The following SLC26A5 variants were observed in gnomAD, a reference collection of about 807,000 sequenced individuals.
SLC26A5 encodes prestin.
Under a neutral mutation model 81.0 loss-of-function variants are expected in SLC26A5, and 51 were observed. The ratio of observed to expected loss-of-function variants is 0.63; its 90% CI spans 0.50 to 0.80. SLC26A5 has a LOEUF of 0.80. SLC26A5 is among the 30% of genes least tolerant of loss of function. The pLI is 0.00. For synonymous variants in SLC26A5, 325 were observed against 332.8 expected, an observed-to-expected ratio of 0.98 and a Z score of 0.25; for missense variants, 771 against 905.8, an observed-to-expected ratio of 0.85 and a Z score of 1.91.
At chr7:103,442,452 T>C (rs991753442) in intron 2 of SLC26A5, among the ~76,000 whole-genome samples, 2 of 152,180 alleles carry the variant, frequency 1.3e-5, no homozygotes, top group Non-Finnish European at 2.9e-5. Flanking sequence ...CTTTCACTAT[T>C]GAAAACGATT....
Position 103,366,030 on chromosome 7 carries a change from A to G in SLC26A5, c.2041+10778T>C, listed in dbSNP as rs1246464237. On this transcript the variant is annotated intron_variant, in intron 19 of 19. Transcript: ENST00000339444. ...AGCATAACTTTTTACTTATTTTAAA[A>G]TATTTTGAAACCAATTTTGAATTAA... The G allele has an allele frequency of 7.4e-6, 11 of 1,478,098 alleles. No homozygotes were observed. In the East Asian group the frequency reaches 2.5e-4, roughly 34 times the overall value. 91.6% of individuals were successfully genotyped at this position (1,478,098 alleles called of 1,614,324 possible). A position where few individuals can be genotyped will look rare whatever the true frequency, so the allele number is the denominator to read the frequency against.
chr7:103,366,283 A>C (rs1820714578), intron 19 of SLC26A5: 1 of 835,844 alleles, frequency 1.2e-6, no homozygotes, highest in Non-Finnish European at 1.9e-6. Flanking sequence ...ATGAGCTCTG[A>C]AACAGTGGCG....
Position 103,417,386 on chromosome 7 carries a change from GA to G in SLC26A5, c.292+3351del, listed in dbSNP as rs1227617029. On this transcript the variant is annotated intron_variant, in intron 4 of 19. Coordinates refer to ENST00000306312, the MANE Select transcript of SLC26A5 (RefSeq NM_198999.3). ...TCTGTCTCAAAAAAAAAAAAAAAAA[GA>G]AAAAAAAATAGAAATAATTTATTGT... is the stretch of plus-strand genomic sequence containing the variant. Among the ~76,000 whole-genome samples the G allele has an allele frequency of 4.8e-3, 668 of 140,016 alleles. 5 individuals are homozygous for G. The highest frequency in any genetic ancestry group is 9.2e-3 in the South Asian group (40 of 4,326). The allele number at this position is 140,016 out of a possible 152,430, so 91.9% of individuals were successfully genotyped here.
chr7:103,409,987 A>G (rs1218860410), intron 7 of SLC26A5, among the ~76,000 whole-genome samples: 2 of 152,284 alleles, frequency 1.3e-5, no homozygotes, highest in South Asian at 4.1e-4. Flanking sequence ...GATTACAGGC[A>G]TAAGCCACCA....
At chr7:103,371,024 A>G (rs1232570769), downstream of SLC26A5, among the ~76,000 whole-genome samples, 1 of 152,266 alleles carries the variant, frequency 6.6e-6, no homozygotes. Flanking sequence ...CAGAAAGAAC[A>G]GGTGGGCTTA....
chr7:103,397,340 G>C (rs1420610448), intron 9 of SLC26A5, among the ~76,000 whole-genome samples: 1 of 151,824 alleles, frequency 6.6e-6, no homozygotes, highest in African/African-American at 2.4e-5. Flanking sequence ...AGGAAATTGA[G>C]ACCATCCTGG....
intron 2 of SLC26A5, among the ~76,000 whole-genome samples, chr7:103,427,783 A>G (rs1450660509): frequency 6.6e-6 from 1 of 151,416 alleles, no homozygotes; most frequent in African/African-American, 2.4e-5. Context: ...AGGGTTTTCT[A>G]TGCCTTGCTG....
At position 103,410,400 on chromosome 7, in the gene SLC26A5, G is replaced by A. The variant is rs1336423637; in HGVS notation, c.720C>T (p.Ile240=). The A allele has an allele frequency of 1.2e-6, 2 of 1,614,030 alleles. No homozygotes were observed. Among genetic ancestry groups the A allele is most frequent in the East Asian group, 2.2e-5 (1 of 44,870 alleles). The part of the protein sequence containing the change: ...FGVKTKRYSG[I]FSVVYSTVAV... ...TCTTACTTACATACACCACGGAAAA[G>A]ATTCCACTGTACCGCTTTGTTTTAA... Residue 240 remains isoleucine, a synonymous_variant, in exon 7 of 20, where the codon ATC becomes ATT. Transcript: ENST00000306312.
rs563177765 is a variant in SLC26A5 at position 103,396,559 on chromosome 7, T to C, written c.971+1373A>G. 2.6e-5 allele frequency among the ~76,000 whole-genome samples: 4 copies of C among 152,288 alleles called. No homozygotes were observed. The South Asian group carries it at 8.3e-4, about 32-fold the overall frequency. On this transcript the variant is annotated intron_variant, in intron 9 of 19. Coordinates refer to ENST00000306312, the MANE Select transcript of SLC26A5 (RefSeq NM_198999.3). ...CAAACTCTGAAGACATTATGCTAAG[T>C]GAAATACGCCAGTCACGAAAAGACA...
At chr7:103,361,219 C>G (rs1240172598) in intron 19 of SLC26A5, among the ~76,000 whole-genome samples, 1 of 151,740 alleles carries the variant, frequency 6.6e-6, no homozygotes, top group Non-Finnish European at 1.5e-5. Context: ...TGTGGTGGCT[C>G]ACGCCTGTAA....
chr7:103,397,403 T>A (rs970761868), intron 9 of SLC26A5, among the ~76,000 whole-genome samples: 1 of 151,234 alleles, frequency 6.6e-6, no homozygotes, highest in African/African-American at 2.4e-5. Flanking sequence ...CAGCCGGGCG[T>A]GGTGGCGGGT....
At chr7:103,402,035 T>G (rs1484817183) in intron 8 of SLC26A5, among the ~76,000 whole-genome samples, 2 of 152,224 alleles carry the variant, frequency 1.3e-5, no homozygotes, top group Non-Finnish European at 2.9e-5. Context: ...TGTTGTTGTG[T>G]CTCTGCCAGG....
In SLC26A5 at chr7:103,378,507, A is replaced by T; in HGVS notation, c.1724T>A (p.Met575Lys). Reference protein sequence around the residue: ...AVIMGARRKAMRKYAKEVGNA... With the variant: ...AVIMGARRKAKRKYAKEVGNA... Reference sequence around the variant, plus strand: ...TCCGACTTCCTTAGCGTACTTCCGCATGGCCTTTCTCCTTGCTCCCATGAT... The same window carrying T: ...TCCGACTTCCTTAGCGTACTTCCGCTTGGCCTTTCTCCTTGCTCCCATGAT... The change falls in exon 17 of 20, where the codon ATG becomes AAG. Residue 575 changes from methionine (M) to lysine (K), a missense_variant. Physicochemically the swap from Met to Lys is moderately conservative, Grantham distance 95. Transcript: ENST00000306312. The T allele has an allele frequency of 6.2e-7, 1 of 1,614,172 alleles. No homozygotes were observed. Among genetic ancestry groups the T allele is most frequent in the Non-Finnish European group, 8.5e-7 (1 of 1,180,006 alleles).
chr7:103,409,742 C>G (rs945962252), intron 7 of SLC26A5, among the ~76,000 whole-genome samples: 4 of 151,700 alleles, frequency 2.6e-5, no homozygotes, highest in Non-Finnish European at 5.9e-5. Flanking sequence ...GAGTCTTGCT[C>G]TGTCGCTCAG....
intron 19 of SLC26A5, among the ~76,000 whole-genome samples, chr7:103,357,290 C>T (rs1820090076): frequency 6.8e-6 from 1 of 146,694 alleles, no homozygotes; most frequent in South Asian, 2.1e-4. Flanking sequence ...TGTGCCACTG[C>T]ACTTCAGCCT....
intron 4 of SLC26A5, among the ~76,000 whole-genome samples, chr7:103,418,672 G>A (rs1825106823): frequency 1.3e-5 from 2 of 152,162 alleles, no homozygotes; most frequent in Non-Finnish European, 1.5e-5. Flanking sequence ...TTGATCATTA[G>A]GGGAAGTGAT....
chr7:103,355,570 A>G (rs1345338172), intron 19 of SLC26A5: 6 of 693,980 alleles, frequency 8.6e-6, no homozygotes. Flanking sequence ...ACAGTCTATA[A>G]TGCACATGAT....
At chr7:103,377,919 C>G (rs374795562) in intron 17 of SLC26A5, 120 bp from the exon 18 acceptor site, 2 of 905,338 alleles carry the variant, frequency 2.2e-6, no homozygotes, top group Non-Finnish European at 3.6e-6. Flanking sequence ...TACCAGACCC[C>G]TTGTAAAATA....
chr7:103,420,421 G>C (rs1303946958), intron 4 of SLC26A5, among the ~76,000 whole-genome samples: 1 of 149,720 alleles, frequency 6.7e-6, no homozygotes, highest in African/African-American at 2.5e-5. Context: ...TCAGCCTCTT[G>C]AGTAGCTGAG....
Sources: allele counts gnomAD v4.1 joint callset (sites outside exome capture counted in the v4.1 genomes callset), GRCh38; gene constraint gnomAD v4.1.1; transcripts MANE v1.5; gene names NCBI Gene and HGNC (gene_info 2026-07-23, HGNC 2026-07-21).